The following CCDC18 variants were observed in gnomAD, a reference collection of about 807,000 sequenced individuals.
The protein encoded by CCDC18 is coiled-coil domain-containing protein 18.
A neutral mutation model predicts 196.0 loss-of-function variants in CCDC18; 157 were observed. That is an observed-to-expected ratio of 0.80 (90% confidence interval 0.70 to 0.91). The LOEUF (loss-of-function observed/expected upper bound fraction) is 0.91. Ranked by LOEUF, CCDC18 falls within the 40% of genes least tolerant of loss-of-function variation. The pLI, the probability that CCDC18 is intolerant of heterozygous loss-of-function variation, is 0.00. For synonymous variants in CCDC18, 482 were observed against 529.2 expected, an observed-to-expected ratio of 0.91 and a Z score of 1.22; for missense variants, 1,465 against 1,611.6, an observed-to-expected ratio of 0.91 and a Z score of 1.56.
At chr1:93,246,441 C>G (rs658178) in intron 22 of CCDC18, among the ~76,000 whole-genome samples, 26,169 of 151,976 alleles carry the variant, frequency 0.17, 2,477 homozygotes, top group African/African-American at 0.22. Context: ...TCTTATATTA[C>G]CCCGTATCAG....
Position 93,221,882 on chromosome 1 carries a change from G to C in CCDC18, c.2121G>C (p.Lys707Asn), listed in dbSNP as rs752186690. The change falls in exon 16 of 29, where the codon AAG becomes AAC. Residue 707 changes from lysine to asparagine, a missense_variant. Physicochemically the swap from Lys to Asn is moderately conservative, Grantham distance 94. Transcript: ENST00000690025. ...SKGEMKKENMKKDEALKALQN... is the reference protein window; with the variant it reads ...SKGEMKKENMNKDEALKALQN... ...AGGAAATGAAAAAGGAAAATATGAA[G>C]AAAGATGAAGCTTTAAAAGCATTAC... 12 of 1,600,778 alleles carry C rather than the reference G, an allele frequency of 7.5e-6. No individual in the cohort carries two copies. Among genetic ancestry groups the C allele is most frequent in the Non-Finnish European group, 9.4e-6 (11 of 1,172,124 alleles).
intron 27 of CCDC18, chr1:93,269,689 A>G (rs1665030753): frequency 6.6e-6 from 1 of 152,142 alleles, no homozygotes; most frequent in Non-Finnish European, 1.5e-5. Flanking sequence ...TTACATTATT[A>G]AGCTTTTGAA....
chr1:93,243,225 A>G (rs1661056280), intron 21 of CCDC18, among the ~76,000 whole-genome samples: 4 of 152,220 alleles, frequency 2.6e-5, no homozygotes, highest in Admixed American at 6.5e-5. Context: ...TCTGAAATCT[A>G]GGTGGAGGTT....
chr1:93,247,810 CTT>C (rs1661680995), intron 23 of CCDC18, among the ~76,000 whole-genome samples: 1 of 152,192 alleles, frequency 6.6e-6, no homozygotes, highest in South Asian at 2.1e-4. Context: ...TAACTTCTCT[CTT>C]TCCAATTTGG....
intron 4 of CCDC18, among the ~76,000 whole-genome samples, chr1:93,191,403 G>A (rs988067224): frequency 6.6e-5 from 10 of 152,102 alleles, no homozygotes; most frequent in Admixed American, 5.2e-4. Flanking sequence ...TGTATCCCTG[G>A]TTTTTCATTG....
intron 17 of CCDC18, among the ~76,000 whole-genome samples, chr1:93,229,588 A>G (rs1658932037): frequency 6.6e-6 from 1 of 152,196 alleles, no homozygotes; most frequent in Non-Finnish European, 1.5e-5. Context: ...AAGTGGCCCT[A>G]GGGCATATAG....
At chr1:93,251,207 A>T (rs560798622) in intron 23 of CCDC18, among the ~76,000 whole-genome samples, 1 of 152,338 alleles carries the variant, frequency 6.6e-6, no homozygotes, top group African/African-American at 2.4e-5. Context: ...TGATAGCAAA[A>T]ACAAAAAAAA....
chr1:93,180,981 G>A (rs1649521894), intron 1 of CCDC18, 129 bp downstream of exon 1: 1 of 903,138 alleles, frequency 1.1e-6, no homozygotes, highest in Non-Finnish European at 1.6e-6. Flanking sequence ...TGGTCCTCGT[G>A]GTTGCTGAGC....
chr1:93,214,191 C>G (rs1204107392), intron 11 of CCDC18, among the ~76,000 whole-genome samples: 8 of 152,110 alleles, frequency 5.3e-5, no homozygotes, highest in East Asian at 1.9e-4. Context: ...TGTTGAATAG[C>G]TCAGATAACA....
chr1:93,192,129 T>C (rs764699181), intron 5 of CCDC18, 23 bp downstream of exon 5: 6 of 1,449,524 alleles, frequency 4.1e-6, no homozygotes, highest in Non-Finnish European at 4.8e-6. Flanking sequence ...TTTATAGCTC[T>C]CAAAGTTTTA....
At position 93,258,798 on chromosome 1, in the gene CCDC18, T is replaced by C. The variant is rs768978896; in HGVS notation, c.3597T>C (p.Arg1199=). The change falls in exon 26 of 29, where the codon CGT becomes CGC. Residue 1199 remains arginine (R), a synonymous_variant. Transcript: ENST00000690025. ...AAGAACTGGGGGCTTCTAAAGTACG[T>C]GAAGCTCATTTAGAAGCAAGAATGC... ...LAEELGASKV[R]EAHLEARMQA... is the part of the protein sequence containing the mutation. 1 of 1,594,394 alleles carries C rather than the reference T, an allele frequency of 6.3e-7. No individual in the cohort carries two copies. Among genetic ancestry groups the C allele is most frequent in the South Asian group, 1.1e-5 (1 of 87,626 alleles).
intron 17 of CCDC18, among the ~76,000 whole-genome samples, chr1:93,227,689 C>T (rs1658593662): frequency 6.6e-6 from 1 of 152,058 alleles, no homozygotes; most frequent in South Asian, 2.1e-4. Context: ...CATTGTTGCT[C>T]ACGCCTATAA....
In CCDC18 at chr1:93,256,500, A is replaced by G; in HGVS notation, c.3508A>G (p.Ser1170Gly). The change falls in exon 25 of 29, where the codon AGT becomes GGT. Residue 1170 changes from serine to glycine, a missense_variant. Transcript: ENST00000690025. ...ACAGAGAGAAATAGAAAGGCTCTCT[A>G]GTGAACTGGAGGATATGAAGCAACT... ...QAQREIERLS[S>G]ELEDMKQLSK... 1 of 1,614,032 alleles carries G rather than the reference A, an allele frequency of 6.2e-7. No individual in the cohort carries two copies.
intron 7 of CCDC18, among the ~76,000 whole-genome samples, chr1:93,202,812 A>C (rs1328820291): frequency 6.6e-6 from 1 of 152,210 alleles, no homozygotes; most frequent in Non-Finnish European, 1.5e-5. Context: ...AGTAAGATTG[A>C]CAAGTATGTA....
intron 28 of CCDC18, 35 bp from the exon 29 acceptor site, chr1:93,278,428 T>C: frequency 2.2e-6 from 2 of 908,824 alleles, no homozygotes; most frequent in Non-Finnish European, 3.2e-6. Context: ...TTAGGAATAT[T>C]TCAAATATTA....
chr1:93,256,476 C>G lies in CCDC18; in HGVS notation c.3484C>G (p.Gln1162Glu), dbSNP rs765465152. The change falls in exon 25 of 29, where the codon CAG becomes GAG. Residue 1162 changes from glutamine to glutamate, a missense_variant. Coordinates refer to ENST00000690025, the MANE Select transcript of CCDC18 (RefSeq NM_001378204.1). The stretch of plus-strand genomic sequence containing the variant: ...GGCTCGTCATCAGCAAGTCCAAGCA[C>G]AGAGAGAAATAGAAAGGCTCTCTAG... ...AEARHQQVQA[Q>E]REIERLSSEL... is the part of the protein sequence containing the mutation. 4.3e-6 allele frequency: 7 copies of G among 1,613,990 alleles called. No individual in the cohort carries two copies. The highest frequency in any genetic ancestry group is 5.9e-6 in the Non-Finnish European group (7 of 1,179,966).
At chr1:93,192,845 C>T (rs888485595) in intron 5 of CCDC18, among the ~76,000 whole-genome samples, 1 of 152,112 alleles carries the variant, frequency 6.6e-6, no homozygotes, top group African/African-American at 2.4e-5. Context: ...GTTAAAGGAC[C>T]AGCAGTAGTA....
chr1:93,272,094 G>C (rs1486569072), intron 28 of CCDC18, among the ~76,000 whole-genome samples: 1 of 152,164 alleles, frequency 6.6e-6, no homozygotes, highest in Non-Finnish European at 1.5e-5. Flanking sequence ...TTGGTGGCCT[G>C]AACAGTTAAA....
At chr1:93,221,372 G>C (rs1167495175) in intron 14 of CCDC18, among the ~76,000 whole-genome samples, 3 of 151,586 alleles carry the variant, frequency 2.0e-5, no homozygotes, top group Middle Eastern at 6.8e-3. Context: ...TTTCTTGAGC[G>C]ATCAGCAATG....
Sources: gnomAD v4.1 joint callset for allele counts (sites outside exome capture counted in the v4.1 genomes callset) on GRCh38, gnomAD v4.1.1 for gene constraint, MANE v1.5 for transcripts, NCBI Gene and HGNC (gene_info 2026-07-23, HGNC 2026-07-21) for gene names.